The following SCARB2 variants were observed in gnomAD, a reference collection of about 807,000 sequenced individuals.
SCARB2 encodes lysosome membrane protein 2.
In SCARB2, 29 loss-of-function variants were observed where a neutral mutation model predicts 58.6. The observed-to-expected ratio is 0.49, with a 90% CI of 0.37 to 0.67. The LOEUF (loss-of-function observed/expected upper bound fraction) is 0.67, where lower values mean the gene tolerates loss of function less well. Ranked by LOEUF, SCARB2 falls within the 30% of genes least tolerant of loss-of-function variation. The pLI is 0.00. For synonymous variants in SCARB2, 195 were observed against 210.1 expected (o/e 0.93, Z 0.62); for missense variants, 488 against 578.5 (o/e 0.84, Z 1.60).
chr4:76,217,643 G>A, upstream of SCARB2: 1 of 652,862 alleles, frequency 1.5e-6, no homozygotes, highest in East Asian at 2.8e-5. Context: ...TGTCCAGCCT[G>A]CAGAACCATG....
chr4:76,177,690 G>T (rs1355068210), intron 4 of SCARB2, among the ~76,000 whole-genome samples: 2 of 152,192 alleles, frequency 1.3e-5, no homozygotes, highest in African/African-American at 4.8e-5. Flanking sequence ...ATATTCCTCA[G>T]TTATAAAAAG....
chr4:76,160,012 T>A lies in SCARB2; in HGVS notation c.*1701A>T, dbSNP rs566808618. 1.3e-5 allele frequency: 2 copies of A among 152,274 alleles called. No homozygotes were observed. Among genetic ancestry groups the A allele is most frequent in the African/African-American group, 4.8e-5 (2 of 41,536 alleles). The allele number at this position is 152,274 out of a possible 1,614,324, so 9.4% of individuals were successfully genotyped here. A position where few individuals can be genotyped will look rare whatever the true frequency, so the allele number is the denominator to read the frequency against. ...ATTTAGCATTATTGAAGACCAAATATTTTTGTTAGTTTTTTTACATTTTGG... is the reference window on the plus strand; with the variant it reads ...ATTTAGCATTATTGAAGACCAAATAATTTTGTTAGTTTTTTTACATTTTGG... On this transcript the variant is annotated 3_prime_UTR_variant, in exon 12 of 12. Coordinates refer to ENST00000264896, the MANE Select transcript of SCARB2 (RefSeq NM_005506.4).
intron 1 of SCARB2, among the ~76,000 whole-genome samples, chr4:76,231,652 C>T (rs1368693427): frequency 1.3e-5 from 2 of 152,180 alleles, no homozygotes; most frequent in Admixed American, 6.5e-5. Flanking sequence ...AAAGGCCTTT[C>T]GGATTGGCTT....
At chr4:76,166,584 G>T in intron 9 of SCARB2, 2 of 509,508 alleles carry the variant, frequency 3.9e-6, no homozygotes, top group Non-Finnish European at 3.6e-6. Context: ...GGCTCCAGTC[G>T]ACAGAACAAA....
chr4:76,190,009 CTTT>C (rs796495594), intron 2 of SCARB2, among the ~76,000 whole-genome samples: 4 of 134,720 alleles, frequency 3.0e-5, no homozygotes, highest in African/African-American at 6.0e-5. Context: ...ATACTTGACA[CTTT>C]TTTTTTTTTT....
chr4:76,202,415 C>T (rs1260155501), intron 1 of SCARB2, among the ~76,000 whole-genome samples: 1 of 152,126 alleles, frequency 6.6e-6, no homozygotes, highest in African/African-American at 2.4e-5. Flanking sequence ...GCACACATGA[C>T]CACACCTGGC....
chr4:76,174,201 T>C lies in SCARB2; in HGVS notation c.937A>G (p.Ile313Val). ...ANTSDNAGFC[I>V]PEGNCLGSGV... ...GAGCCCAGGCAGTTTCCCTCAGGTA[T>C]ACAGAAGCCGGCATTGTCTGACGTA... The change falls in exon 7 of 12, where the codon ATA (isoleucine) becomes GTA (valine). Residue 313 changes from isoleucine (I) to valine (V), a missense_variant. Transcript: ENST00000264896. 1 of 1,614,208 alleles carries C rather than the reference T, an allele frequency of 6.2e-7. No individual in the cohort carries two copies. The highest frequency in any genetic ancestry group is 8.5e-7 in the Non-Finnish European group (1 of 1,180,042).
chr4:76,204,810 T>C (rs143383028), intron 1 of SCARB2, among the ~76,000 whole-genome samples: 199 of 152,312 alleles, frequency 1.3e-3, no homozygotes, highest in Middle Eastern at 3.4e-3. Context: ...ATTATATCTC[T>C]CAAAATTGAA....
At chr4:76,170,224 A>C (rs1330375696) in intron 7 of SCARB2, among the ~76,000 whole-genome samples, 2 of 152,208 alleles carry the variant, frequency 1.3e-5, no homozygotes, top group African/African-American at 2.4e-5. Flanking sequence ...AGTTCAGGCT[A>C]AATTATTTAT....
chr4:76,199,568 A>AT (rs150923560), intron 1 of SCARB2, among the ~76,000 whole-genome samples: 3,481 of 152,274 alleles, frequency 0.023, 105 homozygotes, highest in African/African-American at 0.07. Context: ...AGACAGACTC[A>AT]TACTAAAATG....
At chr4:76,177,877 A>G (rs945512151) in intron 4 of SCARB2, among the ~76,000 whole-genome samples, 4 of 152,224 alleles carry the variant, frequency 2.6e-5, no homozygotes, top group Non-Finnish European at 5.9e-5. Context: ...TGGGAGAGTA[A>G]GACAGGAATA....
intron 1 of SCARB2, among the ~76,000 whole-genome samples, chr4:76,223,832 G>A (rs903943152): frequency 2.0e-5 from 3 of 150,960 alleles, no homozygotes; most frequent in Admixed American, 1.3e-4. Flanking sequence ...GAGTGTCCCT[G>A]GCCTGCTTTC....
chr4:76,193,905 G>C (rs577556814), intron 2 of SCARB2: 1 of 152,260 alleles, frequency 6.6e-6, no homozygotes, highest in Non-Finnish European at 1.5e-5. Flanking sequence ...GGGGTGGAAT[G>C]ATATAGTTTG....
intron 1 of SCARB2, among the ~76,000 whole-genome samples, chr4:76,209,137 T>C (rs1732988753): frequency 6.6e-6 from 1 of 152,214 alleles, no homozygotes; most frequent in Non-Finnish European, 1.5e-5. Flanking sequence ...TTACAGGTTT[T>C]TTTCTGATCA....
rs10545527 is a variant in SCARB2, at chr4:76,198,841, AGTGTGT to A, written c.118-2983_118-2978del. Among the ~76,000 whole-genome samples, 392 of 141,110 alleles carry A rather than the reference AGTGTGT, an allele frequency of 2.8e-3. 5 individuals carry two copies. In the South Asian group the frequency reaches 0.04, roughly 14 times the overall value. 92.6% of individuals were successfully genotyped at this position (141,110 alleles called of 152,430 possible). A position where few individuals can be genotyped will look rare whatever the true frequency, so the allele number is the denominator to read the frequency against. ...TAGATCACGTGCTGGAGAGTGAGTGAGTGTGTGTGTGTGTGTGTGTGTGTGTGTGTG... is the reference window on the plus strand; with the variant it reads ...TAGATCACGTGCTGGAGAGTGAGTGAGTGTGTGTGTGTGTGTGTGTGTGTG... On this transcript the variant is annotated intron_variant, in intron 1 of 11. Coordinates refer to ENST00000264896, the MANE Select transcript of SCARB2 (RefSeq NM_005506.4).
intron 1 of SCARB2, among the ~76,000 whole-genome samples, chr4:76,229,728 T>G (rs186117090): frequency 6.6e-6 from 1 of 152,340 alleles, no homozygotes; most frequent in Admixed American, 6.5e-5. Flanking sequence ...GCACCTGCTC[T>G]GATGGAGGTA....
chr4:76,207,349 G>T (rs1700292078), intron 1 of SCARB2, among the ~76,000 whole-genome samples: 1 of 152,092 alleles, frequency 6.6e-6, no homozygotes, highest in African/African-American at 2.4e-5. Context: ...GTTCTTTGGG[G>T]TCCTCAATAA....
intron 9 of SCARB2, chr4:76,166,508 A>C: frequency 3.2e-6 from 2 of 621,240 alleles, no homozygotes; most frequent in Non-Finnish European, 5.7e-6. Context: ...TACGTTTATC[A>C]AAACACAAGA....
chr4:76,214,894 T>A (rs1733171379), upstream of SCARB2, among the ~76,000 whole-genome samples: 1 of 152,190 alleles, frequency 6.6e-6, no homozygotes, highest in African/African-American at 2.4e-5. Flanking sequence ...GCAGGTGTGA[T>A]CCTTGTGAAG....
Sources: gnomAD v4.1 joint callset for allele counts (sites outside exome capture counted in the v4.1 genomes callset) on GRCh38, gnomAD v4.1.1 for gene constraint, MANE v1.5 for transcripts, NCBI Gene and HGNC (gene_info 2026-07-23, HGNC 2026-07-21) for gene names.